GGT6: variants seen among roughly 807,000 people sequenced by gnomAD.
GGT6 encodes glutathione hydrolase 6.
Under a neutral mutation model 17.0 loss-of-function variants are expected in GGT6, and 13 were observed. The observed-to-expected ratio is 0.77, with a 90% CI of 0.50 to 1.22. The LOEUF (loss-of-function observed/expected upper bound fraction) is 1.22. GGT6 is among the 50% of genes most tolerant of loss of function. The probability of loss-of-function intolerance (pLI) is 0.00; values close to 1 mark genes in which losing one functional copy is unlikely to be tolerated. For missense variants in GGT6, 628 were observed against 643.7 expected (o/e 0.98, Z 0.26); for synonymous variants, 305 against 297.9 (o/e 1.02, Z -0.25).
chr17:4,558,954 C>T lies in GGT6; in HGVS notation c.561G>A (p.Ala187=), dbSNP rs576200908. The T allele has an allele frequency of 2.2e-5, 34 of 1,537,628 alleles. No individual in the cohort carries two copies. The South Asian group carries it at 2.3e-4, about 11-fold the overall frequency. The stretch of plus-strand genomic sequence containing the variant: ...GCAGCAGGTGCAGGGTGGGCAGAGC[C>T]GCGGGCAGCCCCAGGCCGGGGGCCA... ...QTLAPGLGLP[A]ALPTLHLLHA... Residue 187 remains alanine (A), a synonymous_variant, in exon 4 of 4, where the codon GCG becomes GCA. Transcript: ENST00000381550.
chr17:4,559,089 G>C (rs942976187), intron 3 of GGT6, 32 bp from the exon 4 acceptor site: 4 of 1,539,044 alleles, frequency 2.6e-6, no homozygotes, highest in Non-Finnish European at 3.5e-6. Context: ...CTCAGCAGCC[G>C]CAGGTCAAGG....
In GGT6 at chr17:4,558,651, C is replaced by G. The variant is rs1017435831; in HGVS notation, c.864G>C (p.Leu288=). 2 of 1,580,956 alleles carry G rather than the reference C, an allele frequency of 1.3e-6. No individual in the cohort carries two copies. Among genetic ancestry groups the G allele is most frequent in the Non-Finnish European group, 8.6e-7 (1 of 1,164,262 alleles). ...GCACAGCCGAGGGCACCTCCACCCCCAGGTCTCCCGCCAGTAGACTCAGTA... is the reference window on the plus strand; with the variant it reads ...GCACAGCCGAGGGCACCTCCACCCCGAGGTCTCCCGCCAGTAGACTCAGTA... ...DALLSLLAGD[L]GVEVPSAVPR... The change falls in exon 4 of 4, where the codon CTG becomes CTC. Residue 288 remains leucine (L), a synonymous_variant. Transcript: ENST00000381550.
In GGT6 at chr17:4,556,975, G is replaced by A. The variant is rs962265834; in HGVS notation, c.*1040C>T. 6.6e-6 allele frequency: 1 copy of A among 152,244 alleles called. No individual in the cohort carries two copies. Among genetic ancestry groups the A allele is most frequent in the African/African-American group, 2.4e-5 (1 of 41,444 alleles). 9.4% of individuals were successfully genotyped at this position (152,244 alleles called of 1,614,324 possible). ...TTATTTTGTACCCAGTCTGGTTGAG[G>A]CAGATAGGTAAGGGGTGTCCTGAAG... On this transcript the variant is annotated 3_prime_UTR_variant, in exon 4 of 4. Transcript: ENST00000381550.
At position 4,558,268 on chromosome 17, in the gene GGT6, TCATC is replaced by T. The variant is rs778718740; in HGVS notation, c.1243_1246del (p.Asp415ThrfsTer21). 6.2e-7 allele frequency: 1 copy of T among 1,614,128 alleles called. No homozygotes were observed. The highest frequency in any genetic ancestry group is 8.5e-7 in the Non-Finnish European group (1 of 1,180,032). On this transcript the variant is annotated frameshift_variant, in exon 4 of 4. Transcript: ENST00000381550. LOFTEE classifies it low-confidence loss of function (END_TRUNC). ...AAGCCCCAACACATCAGCCTCTGTG[TCATC>T]CAGGCTGCCACGGAGGATGAGGGGG... is the stretch of plus-strand genomic sequence containing the variant.
At chr17:4,559,229 C>T in intron 3 of GGT6, 114 bp downstream of exon 3, 4 of 1,196,966 alleles carry the variant, frequency 3.3e-6, no homozygotes, top group Non-Finnish European at 4.8e-6. Context: ...GCTGCCCAAA[C>T]CCTAAGTCCT....
Position 4,558,061 on chromosome 17 carries a change from T to C in GGT6, c.1454A>G (p.His485Arg), listed in dbSNP as rs977307622. 1.9e-6 allele frequency: 3 copies of C among 1,578,686 alleles called. No homozygotes were observed. The Admixed American group carries it at 5.2e-5, about 27-fold the overall frequency. ...GCAGGCATGGGGGACACTGGAGACA[T>C]GGGCGTGCTCTGTGTGGGCTGCCAC... The part of the protein sequence containing the change: ...LQVAAHTEHA[H>R]VSSVPHACCP... The change falls in exon 4 of 4, where the codon CAT becomes CGT. Residue 485 changes from histidine to arginine, a missense_variant. Transcript: ENST00000381550.
At position 4,558,306 on chromosome 17, in the gene GGT6, G is replaced by C. The variant is rs765114135; in HGVS notation, c.1209C>G (p.Ala403=). Residue 403 remains alanine (A), a synonymous_variant, in exon 4 of 4, where the codon GCC becomes GCG. Transcript: ENST00000381550. The part of the protein sequence containing the change: ...SNLVAKSTTS[A]WACPLILRGS... ...CACGGAGGATGAGGGGGCAGGCCCA[G>C]GCACTAGTGGTAGACTTGGCCACCA... is the stretch of plus-strand genomic sequence containing the variant. 1.9e-6 allele frequency: 3 copies of C among 1,612,968 alleles called. No individual in the cohort carries two copies. Among genetic ancestry groups the C allele is most frequent in the East Asian group, 4.5e-5 (2 of 44,894 alleles).
chr17:4,557,025 C>A lies in GGT6; in HGVS notation c.*990G>T, dbSNP rs1195328472. 1.3e-5 allele frequency: 2 copies of A among 152,288 alleles called. No individual in the cohort carries two copies. The highest frequency in any genetic ancestry group is 4.8e-5 in the African/African-American group (2 of 41,458). The allele number at this position is 152,288 out of a possible 1,614,324, so 9.4% of individuals were successfully genotyped here. ...GGGAAGGACAGAGATGCCAACAGTA[C>A]CCTGGGCTCTGCCTGTCCTGCTTCG... is the stretch of plus-strand genomic sequence containing the variant. On this transcript the variant is annotated 3_prime_UTR_variant, in exon 4 of 4. Transcript: ENST00000381550.
rs779264015 is a variant in GGT6 at position 4,558,820 on chromosome 17, C to T, written c.695G>A (p.Arg232Gln). 12 of 1,550,544 alleles carry T rather than the reference C, an allele frequency of 7.7e-6. No homozygotes were observed. The highest frequency in any genetic ancestry group is 5.9e-5 in the Admixed American group (3 of 50,848). The change falls in exon 4 of 4, where the codon CGG (arginine) becomes CAG (glutamine). Residue 232 changes from arginine to glutamine, a missense_variant. Arg to Gln is a conservative substitution (Grantham distance 43). Coordinates refer to ENST00000381550, the MANE Select transcript of GGT6 (RefSeq NM_001288702.2). ...DTPLARALVA[R>Q]GTEGLCPLLC... ...TAGTGGACAGAGGCCTTCTGTGCCC[C>T]GAGCCACCAGAGCCCTTGCCAGGGG...
chr17:4,559,334 G>T lies in GGT6; in HGVS notation c.457+9C>A, dbSNP rs968084755. 3 of 1,541,016 alleles carry T rather than the reference G, an allele frequency of 1.9e-6. No homozygotes were observed. The highest frequency in any genetic ancestry group is 1.4e-5 in the African/African-American group (1 of 72,954). Reference sequence around the variant, plus strand: ...TTGGGGTTGCAGTCTGGGGTCAGGGGTCACTGACCTAGCCCCGTGGCATGA... The same window carrying T: ...TTGGGGTTGCAGTCTGGGGTCAGGGTTCACTGACCTAGCCCCGTGGCATGA... On this transcript the variant is annotated intron_variant, in intron 3 of 3. Coordinates refer to ENST00000381550, the MANE Select transcript of GGT6 (RefSeq NM_001288702.2).
In GGT6 at chr17:4,559,372, G is replaced by T; in HGVS notation, c.428C>A (p.Ala143Glu). Residue 143 changes from alanine (A) to glutamate (E), a missense_variant, in exon 3 of 4, where the codon GCA (alanine) becomes GAA (glutamate). Transcript: ENST00000381550. ...DAGVGAALCLAVVHPHATGLG... is the reference protein window; with the variant it reads ...DAGVGAALCLEVVHPHATGLG... The stretch of plus-strand genomic sequence containing the variant: ...CCCCGTGGCATGAGGATGCACCACT[G>T]CCAGGCACAATGCAGCTCCAACTCC... The T allele has an allele frequency of 6.4e-7, 1 of 1,551,632 alleles. No homozygotes were observed. The highest frequency in any genetic ancestry group is 8.7e-7 in the Non-Finnish European group (1 of 1,146,936).
At position 4,558,130 on chromosome 17, in the gene GGT6, G is replaced by T; in HGVS notation, c.1385C>A (p.Pro462Gln). 6.2e-7 allele frequency: 1 copy of T among 1,613,454 alleles called. No homozygotes were observed. Among genetic ancestry groups the T allele is most frequent in the Non-Finnish European group, 8.5e-7 (1 of 1,179,634 alleles). Residue 462 changes from proline (P) to glutamine (Q), a missense_variant, in exon 4 of 4, where the codon CCA becomes CAA. Physicochemically the swap from Pro to Gln is moderately conservative, Grantham distance 76. Coordinates refer to ENST00000381550, the MANE Select transcript of GGT6 (RefSeq NM_001288702.2). ...AQHQHQGQQE[P>Q]TEHPSTCGQG... Reference sequence around the variant, plus strand: ...GCCACAAGTGCTGGGATGCTCTGTTGGTTCTTGCTGACCCTGATGCTGGTG... The same window carrying T: ...GCCACAAGTGCTGGGATGCTCTGTTTGTTCTTGCTGACCCTGATGCTGGTG...
At chr17:4,559,302 C>T (rs1185012759) in intron 3 of GGT6, 41 bp downstream of exon 3, 2 of 1,456,298 alleles carry the variant, frequency 1.4e-6, no homozygotes, top group Admixed American at 3.9e-5. Flanking sequence ...ACTGATCAGG[C>T]TGTGGGTTGG....
In GGT6 at chr17:4,558,959, G is replaced by T. The variant is rs1567621360; in HGVS notation, c.556C>A (p.Pro186Thr). The T allele has an allele frequency of 1.9e-6, 3 of 1,544,170 alleles. No individual in the cohort carries two copies. The South Asian group carries it at 3.6e-5, about 19-fold the overall frequency. ...AGGTGCAGGGTGGGCAGAGCCGCGGGCAGCCCCAGGCCGGGGGCCAGGGTC... is the reference window on the plus strand; with the variant it reads ...AGGTGCAGGGTGGGCAGAGCCGCGGTCAGCCCCAGGCCGGGGGCCAGGGTC... ...AQTLAPGLGL[P>T]AALPTLHLLH... The change falls in exon 4 of 4, where the codon CCC (proline) becomes ACC (threonine). Residue 186 changes from proline to threonine, a missense_variant. Pro to Thr is a conservative substitution (Grantham distance 38). Coordinates refer to ENST00000381550, the MANE Select transcript of GGT6 (RefSeq NM_001288702.2).
chr17:4,558,555 G>GGGACTGGGGGTGGTGAACAGGAT lies in GGT6; in HGVS notation c.937_959dup (p.Ala322CysfsTer39), dbSNP rs1908352708. On this transcript the variant is annotated frameshift_variant, in exon 4 of 4. Transcript: ENST00000381550. LOFTEE classifies it low-confidence loss of function (END_TRUNC). ...GTGCCAGCAGTTCTGGGCCAGCTGA[G>GGGACTGGGGGTGGTGAACAGGAT]GGACTGGGGGTGGTGAACAGGATGC... 1 of 1,570,344 alleles carries GGGACTGGGGGTGGTGAACAGGAT rather than the reference G, an allele frequency of 6.4e-7. No homozygotes were observed. The highest frequency in any genetic ancestry group is 1.3e-5 in the African/African-American group (1 of 74,468).
chr17:4,558,582 C>A lies in GGT6; in HGVS notation c.933G>T (p.Gln311His). 1 of 1,565,580 alleles carries A rather than the reference C, an allele frequency of 6.4e-7. No individual in the cohort carries two copies. The highest frequency in any genetic ancestry group is 2.3e-5 in the East Asian group (1 of 44,104). The change falls in exon 4 of 4, where the codon CAG (glutamine) becomes CAT (histidine). Residue 311 changes from glutamine to histidine, a missense_variant. Transcript: ENST00000381550. ...GACTGGGGGTGGTGAACAGGATGCCCTGGGGCACAGGTAGCTGCTCTGCTG... is the reference window on the plus strand; with the variant it reads ...GACTGGGGGTGGTGAACAGGATGCCATGGGGCACAGGTAGCTGCTCTGCTG... ...LEPAEQLPVP[Q>H]GILFTTPSPS...
chr17:4,559,186 C>G, intron 3 of GGT6, 129 bp from the exon 4 acceptor site: 1 of 1,323,822 alleles, frequency 7.6e-7, no homozygotes, highest in Non-Finnish European at 1.0e-6. Flanking sequence ...TTCCACAGAC[C>G]CGGGCTCAAG....
At position 4,558,503 on chromosome 17, in the gene GGT6, C is replaced by G; in HGVS notation, c.1012G>C (p.Ala338Pro). ...ALLEAALRSG[A>P]PIPDPCPPFL... ...GGTGGGCAGGGGTCAGGGATGGGCGCCCCGGAGCGCAGGGCTGCCTCCAAC... is the reference window on the plus strand; with the variant it reads ...GGTGGGCAGGGGTCAGGGATGGGCGGCCCGGAGCGCAGGGCTGCCTCCAAC... Residue 338 changes from alanine to proline, a missense_variant, in exon 4 of 4, where the codon GCG becomes CCG. Coordinates refer to ENST00000381550, the MANE Select transcript of GGT6 (RefSeq NM_001288702.2). 1.9e-6 allele frequency: 3 copies of G among 1,601,010 alleles called. No individual in the cohort carries two copies. Among genetic ancestry groups the G allele is most frequent in the Non-Finnish European group, 2.6e-6 (3 of 1,174,644 alleles).
chr17:4,556,263 A>T (rs1908100896), downstream of GGT6, among the ~76,000 whole-genome samples: 1 of 152,160 alleles, frequency 6.6e-6, no homozygotes, highest in South Asian at 2.1e-4. Flanking sequence ...GCACGGGAAG[A>T]CCATTTAGAG....
Sources: allele counts gnomAD v4.1 joint callset (sites outside exome capture counted in the v4.1 genomes callset), GRCh38; gene constraint gnomAD v4.1.1; transcripts MANE v1.5; gene names NCBI Gene and HGNC (gene_info 2026-07-23, HGNC 2026-07-21).